Variants in MEF2A observed in about 807,000 individuals in gnomAD.
MEF2A encodes myocyte-specific enhancer factor 2A.
A neutral mutation model predicts 55.8 loss-of-function variants in MEF2A; 28 were observed. The observed-to-expected ratio is 0.50, with a 90% confidence interval of 0.37 to 0.69. The LOEUF is 0.69. Among genes scored for constraint, MEF2A ranks in the 30% least tolerant of loss-of-function variants. The probability of loss-of-function intolerance (pLI) is 0.00; values close to 1 mark genes in which losing one functional copy is unlikely to be tolerated. For synonymous variants in MEF2A, 239 were observed against 227.1 expected (o/e 1.05, Z -0.47); for missense variants, 528 against 626.2 (o/e 0.84, Z 1.67).
At chr15:99,710,350 C>T (rs1180853522) in intron 10 of MEF2A, among the ~76,000 whole-genome samples, 1 of 152,148 alleles carries the variant, frequency 6.6e-6, no homozygotes, top group African/African-American at 2.4e-5. Flanking sequence ...TCAAGCAGTT[C>T]TCCTGCCTCA....
intron 1 of MEF2A, among the ~76,000 whole-genome samples, chr15:99,578,167 T>C (rs1157981124): frequency 6.6e-6 from 1 of 152,246 alleles, no homozygotes; most frequent in African/African-American, 2.4e-5. Flanking sequence ...CCTACTACTG[T>C]AGTATTAACC....
At chr15:99,668,424 T>G (rs2050214742) in intron 4 of MEF2A, among the ~76,000 whole-genome samples, 1 of 152,186 alleles carries the variant, frequency 6.6e-6, no homozygotes, top group Non-Finnish European at 1.5e-5. Flanking sequence ...CCATTGAAAT[T>G]TGAAATTATT....
intron 3 of MEF2A, among the ~76,000 whole-genome samples, chr15:99,641,947 T>C (rs1175937072): frequency 6.6e-6 from 1 of 152,262 alleles, no homozygotes; most frequent in Non-Finnish European, 1.5e-5. Flanking sequence ...TTTTTTCAAC[T>C]TATGTTCTAC....
chr15:99,600,851 G>T (rs577063720), intron 2 of MEF2A, among the ~76,000 whole-genome samples: 1 of 152,024 alleles, frequency 6.6e-6, no homozygotes, highest in African/African-American at 2.4e-5. Flanking sequence ...TTGTTCTTCT[G>T]TTTCAAAGTT....
chr15:99,609,719 C>T (rs989341520), intron 2 of MEF2A, among the ~76,000 whole-genome samples: 2 of 152,004 alleles, frequency 1.3e-5, no homozygotes, highest in African/African-American at 4.8e-5. Flanking sequence ...GAAAAATTAT[C>T]TTATATTAAA....
At chr15:99,695,541 T>TGTGTGTGTGTGTGTGTGTGTGTGTG (rs1555498137) in intron 8 of MEF2A, among the ~76,000 whole-genome samples, 2 of 144,778 alleles carry the variant, frequency 1.4e-5, no homozygotes, top group Non-Finnish European at 3.0e-5. Context: ...ATTGTCAGAT[T>TGTGTGTGTGTGTGTGTGTGTGTGTG]TGTGTGTGTG....
At chr15:99,637,865 G>A (rs1339394343) in intron 3 of MEF2A, among the ~76,000 whole-genome samples, 2 of 152,064 alleles carry the variant, frequency 1.3e-5, no homozygotes, top group Admixed American at 1.3e-4. Context: ...GGATGGTCTT[G>A]ATCTCCTGAC....
chr15:99,575,680 G>A (rs1964047234), intron 1 of MEF2A, among the ~76,000 whole-genome samples: 1 of 152,178 alleles, frequency 6.6e-6, no homozygotes, highest in African/African-American at 2.4e-5. Context: ...AACGCTTACA[G>A]AATGGTTTTA....
At chr15:99,615,915 T>C (rs1401691659) in intron 2 of MEF2A, among the ~76,000 whole-genome samples, 1 of 152,214 alleles carries the variant, frequency 6.6e-6, no homozygotes, top group African/African-American at 2.4e-5. Flanking sequence ...GCTGAGCAAG[T>C]AAGTGACTTG....
At chr15:99,709,293 T>C (rs1430004085) in intron 10 of MEF2A, among the ~76,000 whole-genome samples, 2 of 152,206 alleles carry the variant, frequency 1.3e-5, no homozygotes, top group African/African-American at 4.8e-5. Flanking sequence ...CACGAGCTGC[T>C]GGGTGCATGT....
chr15:99,577,262 AAC>A (rs1308753487), intron 1 of MEF2A, among the ~76,000 whole-genome samples: 1 of 152,226 alleles, frequency 6.6e-6, no homozygotes, highest in Non-Finnish European at 1.5e-5. Flanking sequence ...AATTCTTTGT[AAC>A]TATTGTGTTA....
chr15:99,596,800 T>C (rs1971325882), intron 1 of MEF2A, among the ~76,000 whole-genome samples: 1 of 152,218 alleles, frequency 6.6e-6, no homozygotes, highest in African/African-American at 2.4e-5. Context: ...TTATTGTTTG[T>C]GCACCTAATC....
intron 7 of MEF2A, among the ~76,000 whole-genome samples, chr15:99,686,399 G>C (rs2054224934): frequency 6.6e-6 from 1 of 151,956 alleles, no homozygotes; most frequent in South Asian, 2.1e-4. Context: ...AGCATTTCTT[G>C]GTTGTGCTGG....
intron 4 of MEF2A, among the ~76,000 whole-genome samples, chr15:99,664,162 T>A (rs1437023953): frequency 6.6e-6 from 1 of 152,234 alleles, no homozygotes; most frequent in African/African-American, 2.4e-5. Context: ...TTGAGAAATA[T>A]GTGACTTGGG....
chr15:99,651,498 A>G (rs2046845464), intron 4 of MEF2A, among the ~76,000 whole-genome samples: 1 of 152,166 alleles, frequency 6.6e-6, no homozygotes, highest in South Asian at 2.1e-4. Flanking sequence ...AAGGGAAAAA[A>G]TAATGAGACA....
rs553844161 is a variant in MEF2A at position 99,645,751 on chromosome 15, C to T, written c.245C>T (p.Ser82Leu). The change falls in exon 4 of 12, where the codon TCG (serine) becomes TTG (leucine). Residue 82 changes from serine (S) to leucine (L), a missense_variant. This residue lies in a region of MEF2A where 78 missense variants were observed against 150.9 expected (regional missense o/e 0.52). Transcript: ENST00000557942. ...YNEPHESRTN[S>L]DIVETLRKKG... ...GAACCTCATGAAAGCAGAACCAACT[C>T]GGATATTGTTGAGGTAACACATATC... 2.0e-5 allele frequency: 32 copies of T among 1,601,384 alleles called. No homozygotes were observed. Among genetic ancestry groups the T allele is most frequent in the Non-Finnish European group, 2.5e-5 (29 of 1,171,976 alleles).
intron 9 of MEF2A, among the ~76,000 whole-genome samples, chr15:99,704,686 T>A (rs2057815895): frequency 6.6e-6 from 1 of 152,222 alleles, no homozygotes; most frequent in African/African-American, 2.4e-5. Context: ...TGCATGAAGA[T>A]GATGCCATGG....
At chr15:99,674,291 A>T in intron 5 of MEF2A, 102 bp from the exon 6 acceptor site, 1 of 1,021,664 alleles carries the variant, frequency 9.8e-7, no homozygotes, top group Non-Finnish European at 1.4e-6. Flanking sequence ...CCTATCCTCT[A>T]CTTTTAGTAA....
chr15:99,688,908 C>T (rs745777402), intron 7 of MEF2A, among the ~76,000 whole-genome samples: 3 of 152,062 alleles, frequency 2.0e-5, no homozygotes, highest in Non-Finnish European at 4.4e-5. Flanking sequence ...CGAGAATGAC[C>T]TGAGTCAAAT....
Sources: allele counts gnomAD v4.1 joint callset (sites outside exome capture counted in the v4.1 genomes callset), GRCh38; gene constraint gnomAD v4.1.1; regional missense constraint gnomAD v4.1.1; transcripts MANE v1.5; gene names NCBI Gene and HGNC (gene_info 2026-07-23, HGNC 2026-07-21).